DMD: variants seen among roughly 807,000 people sequenced by gnomAD.
DMD encodes the protein dystrophin.
Under a neutral mutation model 330.1 loss-of-function variants are expected in DMD, and 63 were observed. The ratio of observed to expected loss-of-function variants is 0.19; its 90% CI spans 0.16 to 0.24. The LOEUF (loss-of-function observed/expected upper bound fraction) is 0.24. Ranked by LOEUF, DMD falls within the 10% of genes least tolerant of loss-of-function variation. The pLI is 1.00. For missense variants in DMD, 3,344 were observed against 2,684.1 expected, an observed-to-expected ratio of 1.25 and a Z score of -5.43; for synonymous variants, 1,223 against 959.8, an observed-to-expected ratio of 1.27 and a Z score of -5.07.
chrX:32,927,543 C>T (rs1417193034), intron 2 of DMD, among the ~76,000 whole-genome samples: 1 of 109,557 alleles, frequency 9.1e-6, no homozygotes. Flanking sequence ...GGACGCCCGG[C>T]CGCAAGTCTT....
In DMD at chrX:31,211,572, A is replaced by G. The variant is rs188671484; in HGVS notation, c.9362-1873T>C. On this transcript the variant is annotated intron_variant, in intron 64 of 78. Transcript: ENST00000357033. ...TTTTTCGAATCACTTTTGTATTAAG[A>G]GTCTTATTTAGCCGTGTGATGGAAA... is the stretch of plus-strand genomic sequence containing the variant. Among the ~76,000 whole-genome samples, 3 of 112,488 alleles carry G rather than the reference A, an allele frequency of 2.7e-5. No homozygotes were observed. In the East Asian group the frequency reaches 8.3e-4, roughly 31 times the overall value.
chrX:32,524,410 A>G (rs982135167), intron 17 of DMD, among the ~76,000 whole-genome samples: 2 of 112,321 alleles, frequency 1.8e-5, no homozygotes, highest in Admixed American at 9.4e-5. Context: ...ACGAGAATGC[A>G]TTAGTCCACA....
chrX:31,340,629 A>G (rs2057678179), intron 61 of DMD, among the ~76,000 whole-genome samples: 2 of 112,310 alleles, frequency 1.8e-5, no homozygotes, highest in Admixed American at 9.4e-5. Context: ...ACTTTGATAA[A>G]AACGACCATA....
intron 7 of DMD, among the ~76,000 whole-genome samples, chrX:32,731,764 G>A (rs528691023): frequency 1.4e-4 from 16 of 112,145 alleles, no homozygotes; most frequent in Non-Finnish European, 2.4e-4. Context: ...CCATCTGGAC[G>A]TCACCATCAT....
At chrX:32,571,955 A>G (rs2052470609) in intron 15 of DMD, among the ~76,000 whole-genome samples, 1 of 111,846 alleles carries the variant, frequency 8.9e-6, no homozygotes, top group Admixed American at 9.5e-5. Context: ...TACCAAAAAG[A>G]ATTACAAAAA....
intron 53 of DMD, among the ~76,000 whole-genome samples, chrX:31,668,120 T>C (rs2081531541): frequency 8.9e-6 from 1 of 112,228 alleles, no homozygotes; most frequent in African/African-American, 3.2e-5. Context: ...AAGTCATTTA[T>C]CCTTTTTGTT....
chrX:33,020,572 G>A (rs2093894964), intron 1 of DMD, among the ~76,000 whole-genome samples: 1 of 111,521 alleles, frequency 9.0e-6, no homozygotes, highest in African/African-American at 3.3e-5. Flanking sequence ...TACTTGGGAG[G>A]CTGAGGCAGG....
intron 1 of DMD, among the ~76,000 whole-genome samples, chrX:33,139,475 C>T (rs915943616): frequency 1.8e-5 from 2 of 110,971 alleles, no homozygotes; most frequent in Non-Finnish European, 3.8e-5. Flanking sequence ...CCATCACGCC[C>T]GGTTAAGTTA....
chrX:32,690,667 T>G (rs1569459787), intron 9 of DMD, among the ~76,000 whole-genome samples: 3 of 110,475 alleles, frequency 2.7e-5, no homozygotes. Context: ...TAGAACAGAA[T>G]AGAGCCCAGA....
At chrX:32,419,642 G>A (rs1228955249) in intron 29 of DMD, among the ~76,000 whole-genome samples, 1 of 112,112 alleles carries the variant, frequency 8.9e-6, no homozygotes, top group African/African-American at 3.2e-5. Context: ...GAACACACCT[G>A]GGAGAAAACT....
intron 50 of DMD, among the ~76,000 whole-genome samples, chrX:31,803,608 TTCCC>T (rs200151953): frequency 0.17 from 15,709 of 91,895 alleles, 1,614 homozygotes; most frequent in East Asian, 0.39. Context: ...TTTCTTTTCT[TTCCC>T]TCCCTCCCTC....
At chrX:32,077,163 G>A (rs1237075978) in intron 44 of DMD, among the ~76,000 whole-genome samples, 2 of 111,244 alleles carry the variant, frequency 1.8e-5, no homozygotes, top group Non-Finnish European at 3.8e-5. Context: ...CGGAGAGACT[G>A]AAAAGGGGCA....
chrX:32,937,136 C>T lies in DMD; in HGVS notation c.93+83003G>A, dbSNP rs771196823. ...TGTTAGGAAATTCAAGAAGGGATGACGGAGAGTTAACTGTAGACCTCAAGG... is the reference window on the plus strand; with the variant it reads ...TGTTAGGAAATTCAAGAAGGGATGATGGAGAGTTAACTGTAGACCTCAAGG... On this transcript the variant is annotated intron_variant, in intron 2 of 78. Transcript: ENST00000357033. Among the ~76,000 whole-genome samples the T allele has an allele frequency of 5.4e-5, 6 of 110,223 alleles. No homozygotes were observed. In the South Asian group the frequency reaches 1.6e-3, roughly 29 times the overall value.
intron 15 of DMD, among the ~76,000 whole-genome samples, chrX:32,572,958 T>C (rs1430916823): frequency 9.0e-6 from 1 of 111,398 alleles, no homozygotes; most frequent in Non-Finnish European, 1.9e-5. Context: ...TGCAATGTGA[T>C]ATACACTGGC....
chrX:31,155,838 A>C (rs1013922552), intron 74 of DMD, among the ~76,000 whole-genome samples: 1 of 110,297 alleles, frequency 9.1e-6, no homozygotes, highest in Non-Finnish European at 1.9e-5. Context: ...AATTGAAAAA[A>C]ATTAGCCATA....
At chrX:32,755,431 A>AATTCATATAGCTGTAT (rs2071386341) in intron 7 of DMD, among the ~76,000 whole-genome samples, 1 of 111,668 alleles carries the variant, frequency 9.0e-6, no homozygotes, top group South Asian at 3.7e-4. Flanking sequence ...TGTATTCTAA[A>AATTCATATAGCTGTAT]TCTTTTTGGT....
At chrX:31,302,784 C>G (rs1055531699) in intron 62 of DMD, among the ~76,000 whole-genome samples, 3 of 111,008 alleles carry the variant, frequency 2.7e-5, no homozygotes, top group Non-Finnish European at 5.7e-5. Flanking sequence ...GCATAAAGAA[C>G]TATAAATTAA....
chrX:33,042,396 T>G (rs2094316499), intron 1 of DMD, among the ~76,000 whole-genome samples: 1 of 112,389 alleles, frequency 8.9e-6, no homozygotes, highest in South Asian at 3.7e-4. Context: ...GACGAGCAGA[T>G]GATTTCAGCC....
intron 24 of DMD, among the ~76,000 whole-genome samples, chrX:32,463,880 A>C (rs1027491633): frequency 8.9e-6 from 1 of 111,953 alleles, no homozygotes; most frequent in African/African-American, 3.2e-5. Context: ...AATGTGTGAA[A>C]ATGATGGGCT....
Sources: allele counts gnomAD v4.1 joint callset (sites outside exome capture counted in the v4.1 genomes callset), GRCh38; gene constraint gnomAD v4.1.1; transcripts MANE v1.5; gene names NCBI Gene and HGNC (gene_info 2026-07-23, HGNC 2026-07-21).